MICU3: variants seen among roughly 807,000 people sequenced by gnomAD.
MICU3 encodes the protein calcium uptake protein 3, mitochondrial.
Under a neutral mutation model 66.5 loss-of-function variants are expected in MICU3, and 62 were observed. That is an observed-to-expected ratio of 0.93 (90% CI 0.76 to 1.15). MICU3 has a LOEUF of 1.15. MICU3 is among the 50% of genes most tolerant of loss of function. The pLI is 0.00. For synonymous variants in MICU3, 308 were observed against 240.7 expected (o/e 1.28, Z -2.59); for missense variants, 779 against 664.4 (o/e 1.17, Z -1.90).
rs7839476 is a variant in MICU3 at position 17,049,500 on chromosome 8, T to A, written c.382-14584T>A. 1.8e-4 allele frequency: 86 copies of A among 489,592 alleles called. 2 individuals are homozygous for A. Among genetic ancestry groups the A allele is most frequent in the African/African-American group, 1.6e-3 (78 of 50,120 alleles). The allele number at this position is 489,592 out of a possible 1,614,324, so 30.3% of individuals were successfully genotyped here. On this transcript the variant is annotated intron_variant, in intron 1 of 14. Transcript: ENST00000318063. ...TAGTTTTCATTTAATCTTTACAGTT[T>A]GTGGGCTTAGTATTTATTTGTCCAT...
chr8:17,084,496 G>A (rs899932907), intron 5 of MICU3, among the ~76,000 whole-genome samples: 5 of 152,036 alleles, frequency 3.3e-5, no homozygotes, highest in East Asian at 1.9e-4. Flanking sequence ...CCCTCCCCCC[G>A]GTCATCTCAA....
intron 1 of MICU3, among the ~76,000 whole-genome samples, chr8:17,057,232 C>G (rs764611390): frequency 6.6e-6 from 1 of 152,084 alleles, no homozygotes; most frequent in African/African-American, 2.4e-5. Context: ...CCAGAGGGAA[C>G]CTGTGGAGCA....
chr8:17,077,789 A>C lies in MICU3; in HGVS notation c.574A>C (p.Asn192His). Residue 192 changes from asparagine to histidine, a missense_variant, in exon 4 of 15, where the codon AAT (asparagine) becomes CAT (histidine). By Grantham distance (68) the Asn-to-His change is moderately conservative (BLOSUM62 1). Coordinates refer to ENST00000318063, the MANE Select transcript of MICU3 (RefSeq NM_181723.3). ...TWKSLSKQEL[N>H]QMLAETPPVW... The stretch of plus-strand genomic sequence containing the variant: ...AGTATAACTTCTGTCATAGGAATTA[A>C]ATCAAATGCTCGCAGAAACACCACC... 6.2e-7 allele frequency: 1 copy of C among 1,610,170 alleles called. No homozygotes were observed. Among genetic ancestry groups the C allele is most frequent in the Non-Finnish European group, 8.5e-7 (1 of 1,177,280 alleles).
intron 9 of MICU3, among the ~76,000 whole-genome samples, chr8:17,102,959 A>G (rs1346006787): frequency 1.1e-4 from 16 of 151,982 alleles, no homozygotes; most frequent in Admixed American, 1.1e-3. Context: ...AATCTAAACT[A>G]TATTACTTAA....
At chr8:17,031,262 T>TTGATTATTA (rs1811991306) in intron 1 of MICU3, among the ~76,000 whole-genome samples, 1 of 139,194 alleles carries the variant, frequency 7.2e-6, no homozygotes, top group East Asian at 2.1e-4. Context: ...TGCCACTTCA[T>TTGATTATTA]TTATTATTAT....
intron 1 of MICU3, among the ~76,000 whole-genome samples, chr8:17,059,989 C>G (rs1487506156): frequency 6.6e-6 from 1 of 152,076 alleles, no homozygotes; most frequent in African/African-American, 2.4e-5. Context: ...CAAAGTTTAC[C>G]TTGAATAGAA....
chr8:17,046,126 A>G (rs902759513), intron 1 of MICU3, among the ~76,000 whole-genome samples: 1 of 152,208 alleles, frequency 6.6e-6, no homozygotes, highest in Non-Finnish European at 1.5e-5. Flanking sequence ...AAGAGGGATC[A>G]TGTGAACCCC....
intron 1 of MICU3, among the ~76,000 whole-genome samples, chr8:17,042,931 A>ATTTTTTTTTTTTTTT (rs996846253): frequency 1.2e-5 from 1 of 82,154 alleles, no homozygotes; most frequent in African/African-American, 5.8e-5. Context: ...ATTCAAAGTG[A>ATTTTTTTTTTTTTTT]TTTTTTTTTT....
At chr8:17,049,567 T>A (rs780906761) in intron 1 of MICU3, 5 of 517,032 alleles carry the variant, frequency 9.7e-6, no homozygotes, top group Non-Finnish European at 1.9e-5. Context: ...AGTTAAGTTA[T>A]TTTTCCCAAG....
intron 3 of MICU3, among the ~76,000 whole-genome samples, chr8:17,073,260 G>C (rs184857861): frequency 1.3e-5 from 2 of 152,154 alleles, no homozygotes; most frequent in African/African-American, 2.4e-5. Flanking sequence ...GTGAAGCTTC[G>C]TCTGTATTTA....
At chr8:17,082,427 C>G (rs1220488777) in intron 5 of MICU3, among the ~76,000 whole-genome samples, 2 of 152,144 alleles carry the variant, frequency 1.3e-5, no homozygotes, top group African/African-American at 2.4e-5. Flanking sequence ...GCCAGCCTCT[C>G]TAACATAGCT....
intron 1 of MICU3, among the ~76,000 whole-genome samples, chr8:17,028,836 C>G (rs551656337): frequency 9.9e-5 from 15 of 152,184 alleles, no homozygotes; most frequent in Non-Finnish European, 1.8e-4. Flanking sequence ...TGGCAAGGAG[C>G]ATAGCGTTTT....
intron 8 of MICU3, among the ~76,000 whole-genome samples, chr8:17,092,847 A>C (rs1311580948): frequency 6.6e-6 from 1 of 152,058 alleles, no homozygotes; most frequent in Non-Finnish European, 1.5e-5. Context: ...CCAGAGTTGT[A>C]AATTAACTCA....
At chr8:17,041,068 C>T (rs1813984446) in intron 1 of MICU3, among the ~76,000 whole-genome samples, 2 of 152,104 alleles carry the variant, frequency 1.3e-5, no homozygotes, top group African/African-American at 2.4e-5. Context: ...AAGTCAGAAG[C>T]TCAGGAGAGA....
intron 2 of MICU3, among the ~76,000 whole-genome samples, chr8:17,069,296 A>C (rs188665033): frequency 8.4e-4 from 128 of 152,238 alleles, no homozygotes; most frequent in African/African-American, 2.9e-3. Context: ...AATACCTTAA[A>C]ATTATAGTTT....
At chr8:17,103,428 C>T (rs1025764622) in intron 9 of MICU3, among the ~76,000 whole-genome samples, 1 of 151,974 alleles carries the variant, frequency 6.6e-6, no homozygotes, top group South Asian at 2.1e-4. Flanking sequence ...AACGATGTGC[C>T]TATCTACAGC....
intron 1 of MICU3, among the ~76,000 whole-genome samples, chr8:17,047,777 C>T (rs139391230): frequency 6.6e-6 from 1 of 152,086 alleles, no homozygotes; most frequent in East Asian, 1.9e-4. Context: ...TGAGAGTTTA[C>T]CAGTATCAGA....
Position 17,104,465 on chromosome 8 carries a change from T to A in MICU3, c.1059T>A (p.Ala353=), listed in dbSNP as rs1436271309. The A allele has an allele frequency of 6.9e-7, 1 of 1,459,780 alleles. No homozygotes were observed. Among genetic ancestry groups the A allele is most frequent in the East Asian group, 2.4e-5 (1 of 42,266 alleles). 90.4% of individuals were successfully genotyped at this position (1,459,780 alleles called of 1,614,324 possible). A position where few individuals can be genotyped will look rare whatever the true frequency, so the allele number is the denominator to read the frequency against. Residue 353 remains alanine (A), a synonymous_variant, in exon 10 of 15, where the codon GCT becomes GCA. Coordinates refer to ENST00000318063, the MANE Select transcript of MICU3 (RefSeq NM_181723.3). ...LVHFFGKKGK[A]ELNFEDFYRF... is the part of the protein sequence containing the mutation. ...ACTTTTTTGGAAAGAAAGGAAAAGC[T>A]GAGCTCAACTTTGAAGATTTTTATA... is the stretch of plus-strand genomic sequence containing the variant.
chr8:17,042,145 T>A (rs1178460205), intron 1 of MICU3, among the ~76,000 whole-genome samples: 2 of 152,252 alleles, frequency 1.3e-5, no homozygotes, highest in Non-Finnish European at 2.9e-5. Flanking sequence ...ATCTCTTTTT[T>A]GATTTGTATA....
Sources: allele counts gnomAD v4.1 joint callset (sites outside exome capture counted in the v4.1 genomes callset), GRCh38; gene constraint gnomAD v4.1.1; transcripts MANE v1.5; gene names NCBI Gene and HGNC (gene_info 2026-07-23, HGNC 2026-07-21).